The following MED4 variants were observed in gnomAD, a reference collection of about 807,000 sequenced individuals.
MED4 encodes mediator of RNA polymerase II transcription subunit 4.
In MED4, 21 loss-of-function variants were observed where a neutral mutation model predicts 35.0. That is an observed-to-expected ratio of 0.60 (90% CI 0.43 to 0.86). The LOEUF is 0.86. MED4 is among the 40% of genes least tolerant of loss of function. The pLI is 0.00. For synonymous variants in MED4, 138 were observed against 114.0 expected (o/e 1.21, Z -1.34); for missense variants, 300 against 319.4 (o/e 0.94, Z 0.46).
intron 5 of MED4, 42 bp downstream of exon 5, chr13:48,081,603 C>T (rs1276562258): frequency 7.0e-7 from 1 of 1,423,684 alleles, no homozygotes; most frequent in Non-Finnish European, 9.7e-7. Context: ...TAAGAATCTT[C>T]AAAACCACAT....
rs984628156 is a variant in MED4, at chr13:48,083,401, T to C, written c.391A>G (p.Lys131Glu). 1.9e-6 allele frequency: 3 copies of C among 1,613,146 alleles called. No homozygotes were observed. The highest frequency in any genetic ancestry group is 2.5e-6 in the Non-Finnish European group (3 of 1,179,796). The change falls in exon 4 of 7, where the codon AAA (lysine) becomes GAA (glutamate). Residue 131 changes from lysine to glutamate, a missense_variant. Physicochemically the swap from Lys to Glu is moderately conservative, Grantham distance 56. Transcript: ENST00000258648. Reference protein sequence around the residue: ...LATAVYQAKEKLKSIEKARKG... With the variant: ...LATAVYQAKEELKSIEKARKG... Reference sequence around the variant, plus strand: ...CTTGCTTTTTCTATTGACTTGAGTTTCTCCTTCGCTTGGTAAACAGCTGTT... The same window carrying C: ...CTTGCTTTTTCTATTGACTTGAGTTCCTCCTTCGCTTGGTAAACAGCTGTT...
At chr13:48,085,158 T>C (rs548397736) in intron 3 of MED4, among the ~76,000 whole-genome samples, 16 of 150,524 alleles carry the variant, frequency 1.1e-4, no homozygotes, top group Admixed American at 1.1e-3. Flanking sequence ...TGTGAGCCAC[T>C]GTGCCCAGCT....
chr13:48,082,079 A>G (rs1258267518), intron 4 of MED4, among the ~76,000 whole-genome samples: 3 of 152,188 alleles, frequency 2.0e-5, no homozygotes, highest in Non-Finnish European at 4.4e-5. Flanking sequence ...AAAGACATCC[A>G]AGCTATGAAA....
rs920728961 is a variant in MED4 at position 48,082,146 on chromosome 13, T to C, written c.422-415A>G. On this transcript the variant is annotated intron_variant, in intron 4 of 6. Coordinates refer to ENST00000258648, the MANE Select transcript of MED4 (RefSeq NM_014166.4). The stretch of plus-strand genomic sequence containing the variant: ...ATCAATATGCCCTAAGGCTCTTAAG[T>C]AGACCTAAATAGAAAGATGTCTACA... Among the ~76,000 whole-genome samples, 36 of 152,124 alleles carry C rather than the reference T, an allele frequency of 2.4e-4. No homozygotes were observed. In the East Asian group the frequency reaches 6.2e-3, roughly 26 times the overall value.
At chr13:48,084,202 G>A (rs1950832147) in intron 3 of MED4, among the ~76,000 whole-genome samples, 1 of 150,906 alleles carries the variant, frequency 6.6e-6, no homozygotes, top group Non-Finnish European at 1.5e-5. Context: ...AGAGGTTGCA[G>A]TGAGCCAAGA....
chr13:48,079,893 G>A lies in MED4; in HGVS notation c.591C>T (p.Gly197=), dbSNP rs778728423. Residue 197 remains glycine, a synonymous_variant, in exon 6 of 7, where the codon GGC becomes GGT. Transcript: ENST00000258648. ...CATCTCCTGGTAAATGGCCATTCAC[G>A]CCATTAGTGGAAGGATTGTTCATCT... ...LGQMNNPSTN[G]VNGHLPGDAL... 16 of 1,613,602 alleles carry A rather than the reference G, an allele frequency of 9.9e-6. No homozygotes were observed. Among genetic ancestry groups the A allele is most frequent in the African/African-American group, 2.7e-5 (2 of 74,824 alleles).
intron 1 of MED4, among the ~76,000 whole-genome samples, chr13:48,091,839 A>G (rs1950892312): frequency 6.6e-6 from 1 of 152,192 alleles, no homozygotes; most frequent in Non-Finnish European, 1.5e-5. Flanking sequence ...GGCTACTTCA[A>G]TAGGGTGGTC....
chr13:48,087,694 A>G (rs572721720), intron 2 of MED4, among the ~76,000 whole-genome samples: 86 of 152,072 alleles, frequency 5.7e-4, no homozygotes, highest in Non-Finnish European at 9.4e-4. Context: ...TACTAAAAAT[A>G]TAAAAATTAG....
chr13:48,080,752 T>G (rs1176645567), intron 5 of MED4, among the ~76,000 whole-genome samples: 1 of 152,174 alleles, frequency 6.6e-6, no homozygotes, highest in Non-Finnish European at 1.5e-5. Context: ...TTTTTTTTTT[T>G]TTACATTTTT....
At chr13:48,082,979 CATG>C (rs765259628) in intron 4 of MED4, among the ~76,000 whole-genome samples, 1 of 152,244 alleles carries the variant, frequency 6.6e-6, no homozygotes, top group Non-Finnish European at 1.5e-5. Context: ...GCTCTGACTT[CATG>C]ATGTTTCAGT....
intron 1 of MED4, among the ~76,000 whole-genome samples, chr13:48,094,303 G>C (rs1950910045): frequency 6.6e-6 from 1 of 152,172 alleles, no homozygotes; most frequent in South Asian, 2.1e-4. Context: ...GGGAGTCAAG[G>C]AAGGCTTCAA....
chr13:48,082,657 C>G (rs1027721781), intron 4 of MED4, among the ~76,000 whole-genome samples: 6 of 152,160 alleles, frequency 3.9e-5, no homozygotes, highest in African/African-American at 1.4e-4. Context: ...GAAACCCCGT[C>G]TCTACTAAAA....
intron 3 of MED4, 71 bp from the exon 4 acceptor site, chr13:48,083,499 C>T: frequency 8.1e-7 from 1 of 1,241,076 alleles, no homozygotes. Context: ...TGGCTTAATT[C>T]ACAAGATCCT....
At chr13:48,083,272 C>G in intron 4 of MED4, 99 bp downstream of exon 4, 1 of 933,938 alleles carries the variant, frequency 1.1e-6, no homozygotes, top group Non-Finnish European at 1.6e-6. Context: ...TGAATCTTTT[C>G]AACAGCAGCA....
chr13:48,094,809 C>T (rs1365291898), intron 1 of MED4, 145 bp downstream of exon 1: 4 of 1,196,672 alleles, frequency 3.3e-6, no homozygotes, highest in African/African-American at 1.5e-5. Flanking sequence ...CTGCGGACCC[C>T]ACGTCCATGA....
chr13:48,086,406 ATTAGTT>A lies in MED4; in HGVS notation c.233_238del (p.Glu78_Met80delinsVal). 6.2e-7 allele frequency: 1 copy of A among 1,613,580 alleles called. No individual in the cohort carries two copies. The highest frequency in any genetic ancestry group is 8.5e-7 in the Non-Finnish European group (1 of 1,179,868). On this transcript the variant is annotated inframe_deletion, in exon 3 of 7. Coordinates refer to ENST00000258648, the MANE Select transcript of MED4 (RefSeq NM_014166.4). ...TTTTCCCTGATTAAGTGCCAATTTCATTAGTTCTTGAAATTCCCCATCTCGGTGAAT... is the reference window on the plus strand; with the variant it reads ...TTTTCCCTGATTAAGTGCCAATTTCACTTGAAATTCCCCATCTCGGTGAAT...
At position 48,077,142 on chromosome 13, in the gene MED4, A is replaced by G. The variant is rs750531129; in HGVS notation, c.810T>C (p.Asp270=). ...TDSSSSSSES[D] is the part of the protein sequence containing the mutation. ...GTATATTGTCTTTTAAGGTTTTTCA[A>G]TCAGACTCACTACTACTGCTTGAGG... The change falls in exon 7 of 7, where the codon GAT becomes GAC. Residue 270 remains aspartate, a synonymous_variant. Coordinates refer to ENST00000258648, the MANE Select transcript of MED4 (RefSeq NM_014166.4). 11 of 1,597,532 alleles carry G rather than the reference A, an allele frequency of 6.9e-6. No homozygotes were observed. Among genetic ancestry groups the G allele is most frequent in the Non-Finnish European group, 9.4e-6 (11 of 1,174,544 alleles).
chr13:48,085,429 G>C (rs1389664177), intron 3 of MED4, among the ~76,000 whole-genome samples: 1 of 152,054 alleles, frequency 6.6e-6, no homozygotes, highest in African/African-American at 2.4e-5. Flanking sequence ...CTGACCTCGC[G>C]ATCCACCTGC....
chr13:48,083,832 T>C (rs1237920491), intron 3 of MED4, among the ~76,000 whole-genome samples: 4 of 152,224 alleles, frequency 2.6e-5, no homozygotes, highest in Admixed American at 6.5e-5. Context: ...TTCATATTCT[T>C]ATTCGTTTAT....
Sources: gnomAD v4.1 joint callset for allele counts (sites outside exome capture counted in the v4.1 genomes callset) on GRCh38, gnomAD v4.1.1 for gene constraint, MANE v1.5 for transcripts, NCBI Gene and HGNC (gene_info 2026-07-23, HGNC 2026-07-21) for gene names.